The following SLC24A2 variants were observed in gnomAD, a reference collection of about 807,000 sequenced individuals.
SLC24A2 encodes sodium/potassium/calcium exchanger 2.
A neutral mutation model predicts 62.0 loss-of-function variants in SLC24A2; 36 were observed. The ratio of observed to expected loss-of-function variants is 0.58; its 90% CI spans 0.44 to 0.77. The LOEUF is 0.77. Among genes scored for constraint, SLC24A2 ranks in the 30% least tolerant of loss-of-function variants. The pLI, the probability that SLC24A2 is intolerant of heterozygous loss-of-function variation, is 0.00. For missense variants in SLC24A2, 846 were observed against 817.9 expected (o/e 1.03, Z -0.42); for synonymous variants, 358 against 294.0 (o/e 1.22, Z -2.23).
the SLC24A2 span, among the ~76,000 whole-genome samples, chr9:20,045,113 G>A: frequency 1.3e-5 from 2 of 152,140 alleles, no homozygotes; most frequent in Non-Finnish European, 2.9e-5. Flanking sequence ...TCTATACATG[G>A]ATCGTATAGA....
the SLC24A2 span, among the ~76,000 whole-genome samples, chr9:19,803,437 AATG>A: frequency 1.3e-5 from 2 of 152,174 alleles, no homozygotes; most frequent in African/African-American, 4.8e-5. Context: ...AATTGATTTC[AATG>A]AAATATATTG....
chr9:19,820,647 G>C, the SLC24A2 span, among the ~76,000 whole-genome samples: 2 of 151,832 alleles, frequency 1.3e-5, no homozygotes, highest in South Asian at 4.2e-4. Flanking sequence ...CTGACACAAG[G>C]TAATGGATTA....
the SLC24A2 span, among the ~76,000 whole-genome samples, chr9:20,030,141 G>T: frequency 5.3e-5 from 8 of 152,184 alleles, no homozygotes; most frequent in African/African-American, 1.9e-4. Context: ...GCAGGACTGA[G>T]CCCCTGCACT....
rs985880029 is a variant in SLC24A2, at chr9:19,509,529, T to C, written c.*6624A>G. 1 of 152,182 alleles carries C rather than the reference T, an allele frequency of 6.6e-6. No homozygotes were observed. Among genetic ancestry groups the C allele is most frequent in the Non-Finnish European group, 1.5e-5 (1 of 68,026 alleles). 9.4% of individuals were successfully genotyped at this position (152,182 alleles called of 1,614,324 possible). ...CTTTAATTAAGACAGTTGTCTCTTATGAAGTACTATAAAGTGCAATATTAA... is the reference window on the plus strand; with the variant it reads ...CTTTAATTAAGACAGTTGTCTCTTACGAAGTACTATAAAGTGCAATATTAA... On this transcript the variant is annotated 3_prime_UTR_variant, in exon 11 of 11. Coordinates refer to ENST00000341998, the MANE Select transcript of SLC24A2 (RefSeq NM_020344.4).
At chr9:20,161,065 T>C in the SLC24A2 span, among the ~76,000 whole-genome samples, 2 of 151,404 alleles carry the variant, frequency 1.3e-5, no homozygotes, top group Non-Finnish European at 3.0e-5. Flanking sequence ...CCTCTTGATA[T>C]GGATAAAACT....
At chr9:20,141,780 T>C in the SLC24A2 span, among the ~76,000 whole-genome samples, 1 of 151,940 alleles carries the variant, frequency 6.6e-6, no homozygotes, top group East Asian at 1.9e-4. Flanking sequence ...GCTATAAAGA[T>C]AAGATTAAAA....
At chr9:20,126,183 G>C in the SLC24A2 span, among the ~76,000 whole-genome samples, 2 of 152,048 alleles carry the variant, frequency 1.3e-5, no homozygotes, top group African/African-American at 2.4e-5. Flanking sequence ...TCCTCTGCCT[G>C]CATTTTTAAT....
At chr9:19,558,382 T>C (rs910698360) in intron 7 of SLC24A2, among the ~76,000 whole-genome samples, 6 of 152,212 alleles carry the variant, frequency 3.9e-5, no homozygotes, top group Admixed American at 1.3e-4. Flanking sequence ...ACTTGTCTTT[T>C]AGCATCTCTA....
At chr9:19,790,530 C>CAAAA (rs3086381), upstream of SLC24A2, among the ~76,000 whole-genome samples, 2,525 of 122,304 alleles carry the variant, frequency 0.021, 46 homozygotes, top group Admixed American at 0.031. Context: ...ATTTGAGCAT[C>CAAAA]AAAAAAAAAA....
chr9:19,960,861 C>G, the SLC24A2 span, among the ~76,000 whole-genome samples: 1 of 152,158 alleles, frequency 6.6e-6, no homozygotes, highest in Non-Finnish European at 1.5e-5. Flanking sequence ...GCTCTGAGCA[C>G]AATGCCTGGT....
the SLC24A2 span, among the ~76,000 whole-genome samples, chr9:20,290,195 G>A: frequency 7.9e-5 from 12 of 152,230 alleles, no homozygotes; most frequent in Non-Finnish European, 1.8e-4. Context: ...ACTGAGTGCA[G>A]CAAGCAGGAT....
the SLC24A2 span, among the ~76,000 whole-genome samples, chr9:19,918,467 C>T: frequency 1.3e-5 from 2 of 151,598 alleles, no homozygotes; most frequent in African/African-American, 4.8e-5. Context: ...AGATTCATTC[C>T]GTGCAGGTTC....
chr9:19,914,241 T>C, the SLC24A2 span, among the ~76,000 whole-genome samples: 183 of 152,236 alleles, frequency 1.2e-3, 2 homozygotes, highest in African/African-American at 4.2e-3. Flanking sequence ...CAGATCTACC[T>C]GTTGAATATC....
chr9:20,102,312 A>C, the SLC24A2 span, among the ~76,000 whole-genome samples: 1 of 120,210 alleles, frequency 8.3e-6, no homozygotes, highest in African/African-American at 3.3e-5. Flanking sequence ...ATGCAGCCAT[A>C]AAAAAAAGTA....
At chr9:19,914,953 G>C in the SLC24A2 span, among the ~76,000 whole-genome samples, 1 of 152,004 alleles carries the variant, frequency 6.6e-6, no homozygotes, top group African/African-American at 2.4e-5. Flanking sequence ...TTAAAAAAAA[G>C]ATTGATATAA....
chr9:19,972,227 G>A, the SLC24A2 span, among the ~76,000 whole-genome samples: 4 of 152,110 alleles, frequency 2.6e-5, no homozygotes, highest in East Asian at 7.7e-4. Context: ...CTGTGGCAAT[G>A]AGAGTGAGAG....
the SLC24A2 span, among the ~76,000 whole-genome samples, chr9:19,840,760 T>A: frequency 1.1e-3 from 165 of 152,264 alleles, 2 homozygotes; most frequent in African/African-American, 3.9e-3. Flanking sequence ...CCCTAGAAGG[T>A]ACCCTTGAGC....
the SLC24A2 span, among the ~76,000 whole-genome samples, chr9:20,230,553 T>C: frequency 6.6e-6 from 1 of 152,178 alleles, no homozygotes; most frequent in Non-Finnish European, 1.5e-5. Context: ...TGTCTGTTCA[T>C]ATCCTTCACC....
At chr9:19,820,987 A>G in the SLC24A2 span, among the ~76,000 whole-genome samples, 1 of 152,212 alleles carries the variant, frequency 6.6e-6, no homozygotes, top group African/African-American at 2.4e-5. Context: ...AAGATGTTAT[A>G]TTTTTGAAAA....
Sources: allele counts gnomAD v4.1 joint callset (sites outside exome capture counted in the v4.1 genomes callset), GRCh38; gene constraint gnomAD v4.1.1; transcripts MANE v1.5; gene names NCBI Gene and HGNC (gene_info 2026-07-23, HGNC 2026-07-21).